Variants in BBIP1 observed in about 807,000 individuals in gnomAD.
The protein encoded by BBIP1 is BBSome interacting protein 1, also known as BBSome-interacting protein 1.
Under a neutral mutation model 8.9 loss-of-function variants are expected in BBIP1, and 6 were observed. The ratio of observed to expected loss-of-function variants is 0.67; its 90% CI spans 0.37 to 1.33. The LOEUF is 1.33. Among genes scored for constraint, BBIP1 ranks in the 40% most tolerant of loss-of-function variants. The pLI is 0.02. For missense variants in BBIP1, 111 were observed against 109.2 expected (o/e 1.02, Z -0.07); for synonymous variants, 32 against 33.4 (o/e 0.96, Z 0.14).
chr10:110,917,014 C>CA (rs1403162886), intron 2 of BBIP1, among the ~76,000 whole-genome samples: 1 of 151,238 alleles, frequency 6.6e-6, no homozygotes, highest in African/African-American at 2.4e-5. Flanking sequence ...CATATCCTTG[C>CA]AAAAAAAATG....
At chr10:110,915,059 TC>T (rs1004988700) in intron 2 of BBIP1, among the ~76,000 whole-genome samples, 2 of 152,208 alleles carry the variant, frequency 1.3e-5, no homozygotes, top group African/African-American at 4.8e-5. Flanking sequence ...TAAAGCCCAG[TC>T]CCCAAATCAT....
chr10:110,902,793 G>A (rs1846037287), intron 2 of BBIP1: 1 of 152,146 alleles, frequency 6.6e-6, no homozygotes, highest in Non-Finnish European at 1.5e-5. Context: ...TAATGGACCA[G>A]GAATAAAGCA....
intron 2 of BBIP1, chr10:110,901,955 A>C (rs1174002689): frequency 4.6e-6 from 1 of 216,980 alleles, no homozygotes; most frequent in East Asian, 1.0e-4. Flanking sequence ...TGGTTCGTTG[A>C]TAGCATCTCC....
intron 3 of BBIP1, chr10:110,901,334 G>T: frequency 1.8e-6 from 1 of 556,928 alleles, no homozygotes. Flanking sequence ...TAATTAATAG[G>T]CAATTTTAGG....
intron 2 of BBIP1, among the ~76,000 whole-genome samples, chr10:110,908,979 G>C (rs79938072): frequency 0.055 from 8,352 of 152,168 alleles, 266 homozygotes; most frequent in East Asian, 0.1. Flanking sequence ...TTAGGTGCAG[G>C]TGAAAAATGG....
intron 2 of BBIP1, among the ~76,000 whole-genome samples, chr10:110,913,109 C>G (rs377501049): frequency 6.6e-6 from 1 of 152,124 alleles, no homozygotes; most frequent in African/African-American, 2.4e-5. Flanking sequence ...ACTAGTTGTA[C>G]TCTATTTCAC....
intron 2 of BBIP1, among the ~76,000 whole-genome samples, chr10:110,915,905 T>C (rs1191529268): frequency 6.6e-6 from 1 of 152,156 alleles, no homozygotes; most frequent in Admixed American, 6.5e-5. Context: ...GGTTTTGCCA[T>C]GTTGGCCAGG....
Position 110,900,391 on chromosome 10 carries a change from G to C in BBIP1, c.248C>G (p.Ala83Gly). The change falls in exon 4 of 4, where the codon GCA becomes GGA. Residue 83 changes from alanine (A) to glycine (G), a missense_variant. Physicochemically the swap from Ala to Gly is moderately conservative, Grantham distance 60. Transcript: ENST00000448814. ...AQNTIRQQEM[A>G]EKDQRQITH ...GGTTATTTGCCGTTGATCCTTTTCT[G>C]CCATTTCTTGTTGGCGAATTGTATT... is the stretch of plus-strand genomic sequence containing the variant. The C allele has an allele frequency of 6.5e-7, 1 of 1,535,120 alleles. No individual in the cohort carries two copies. Among genetic ancestry groups the C allele is most frequent in the South Asian group, 1.2e-5 (1 of 84,008 alleles).
At position 110,900,183 on chromosome 10, in the gene BBIP1, A is replaced by T. The variant is rs560015512; in HGVS notation, c.*177T>A. The T allele has an allele frequency of 1.6e-6, 1 of 643,010 alleles. No individual in the cohort carries two copies. Among genetic ancestry groups the T allele is most frequent in the South Asian group, 2.7e-5 (1 of 37,322 alleles). 39.8% of individuals were successfully genotyped at this position (643,010 alleles called of 1,614,324 possible). On this transcript the variant is annotated 3_prime_UTR_variant, in exon 4 of 4. Transcript: ENST00000448814. The stretch of plus-strand genomic sequence containing the variant: ...GTTTAACTGTTTATGTTCAATACAA[A>T]CCAGAGTGTTTACATTCACAATACA...
chr10:110,900,369 TATTTGCCGTTG>T lies in BBIP1; in HGVS notation c.259_269del (p.Gln87AsnfsTer7). 1 of 1,534,594 alleles carries T rather than the reference TATTTGCCGTTG, an allele frequency of 6.5e-7. No individual in the cohort carries two copies. The highest frequency in any genetic ancestry group is 1.4e-5 in the African/African-American group (1 of 73,124). On this transcript the variant is annotated frameshift_variant, in exon 4 of 4. Coordinates refer to ENST00000448814, the MANE Select transcript of BBIP1 (RefSeq NM_001195305.3). LOFTEE classifies it high-confidence loss of function. ...AGTGCTCAGTTATCATTCAGTGGGT[TATTTGCCGTTG>T]ATCCTTTTCTGCCATTTCTTGTTGG...
At chr10:110,906,428 A>G (rs1026938330) in intron 2 of BBIP1, 2 of 152,270 alleles carry the variant, frequency 1.3e-5, no homozygotes, top group African/African-American at 4.8e-5. Flanking sequence ...GTCAAAATGA[A>G]TTACACATTG....
At chr10:110,918,019 T>G in intron 2 of BBIP1, 102 bp downstream of exon 2, 1 of 1,006,386 alleles carries the variant, frequency 9.9e-7, no homozygotes, top group Non-Finnish European at 1.5e-6. Context: ...AGTAGTTCAT[T>G]TTGGCTGGCG....
rs1846432177 is a variant in BBIP1, at chr10:110,917,286, A to G, written c.37+835T>C. 2.7e-5 allele frequency among the ~76,000 whole-genome samples: 4 copies of G among 145,908 alleles called. No individual in the cohort carries two copies. The South Asian group carries it at 8.5e-4, about 31-fold the overall frequency. ...AATTAGGAAAATTAGCACTTGGCCT[A>G]GATTTTAAAAGTTACAAAACAGCTG... is the stretch of plus-strand genomic sequence containing the variant. On this transcript the variant is annotated intron_variant, in intron 2 of 3. Transcript: ENST00000448814.
At chr10:110,917,794 C>A (rs1384598212) in intron 2 of BBIP1, among the ~76,000 whole-genome samples, 1 of 150,894 alleles carries the variant, frequency 6.6e-6, no homozygotes, top group Non-Finnish European at 1.5e-5. Context: ...TATTTAGGTG[C>A]AGACATGGTA....
chr10:110,912,862 AT>A (rs1846311829), intron 2 of BBIP1, among the ~76,000 whole-genome samples: 1 of 152,038 alleles, frequency 6.6e-6, no homozygotes, highest in African/African-American at 2.4e-5. Context: ...TTTTCCCTCT[AT>A]TAATGTATCT....
At chr10:110,912,903 A>G (rs543806349) in intron 2 of BBIP1, among the ~76,000 whole-genome samples, 299 of 152,178 alleles carry the variant, frequency 2.0e-3, no homozygotes, top group Admixed American at 4.8e-3. Context: ...AATTGTACAG[A>G]CCCCAGTTTT....
chr10:110,914,770 T>C (rs983201338), intron 2 of BBIP1, among the ~76,000 whole-genome samples: 2 of 152,126 alleles, frequency 1.3e-5, no homozygotes, highest in African/African-American at 4.8e-5. Flanking sequence ...GGCCTAAGAA[T>C]GGGAATTCTT....
intron 2 of BBIP1, among the ~76,000 whole-genome samples, chr10:110,916,838 A>G (rs778392073): frequency 6.6e-6 from 1 of 152,230 alleles, no homozygotes; most frequent in Non-Finnish European, 1.5e-5. Flanking sequence ...GCACTAACAC[A>G]TACTCTATAC....
chr10:110,909,662 G>C (rs1408851445), intron 2 of BBIP1, among the ~76,000 whole-genome samples: 1 of 152,178 alleles, frequency 6.6e-6, no homozygotes, highest in East Asian at 1.9e-4. Context: ...GTTCAAGAAA[G>C]TATAAATCTT....
Sources: allele counts gnomAD v4.1 joint callset (sites outside exome capture counted in the v4.1 genomes callset), GRCh38; gene constraint gnomAD v4.1.1; transcripts MANE v1.5; gene names NCBI Gene and HGNC (gene_info 2026-07-23, HGNC 2026-07-21).